CCSER2: variants seen among roughly 807,000 people sequenced by gnomAD.
The protein encoded by CCSER2 is coiled-coil serine rich protein 2.
A neutral mutation model predicts 92.3 loss-of-function variants in CCSER2; 46 were observed. The observed-to-expected ratio is 0.50, with a 90% CI of 0.39 to 0.64. The LOEUF (loss-of-function observed/expected upper bound fraction) is 0.64. CCSER2 is among the 30% of genes least tolerant of loss of function. The pLI, the probability that CCSER2 is intolerant of heterozygous loss-of-function variation, is 0.00. For missense variants in CCSER2, 1,244 were observed against 1,238.9 expected (o/e 1.00, Z -0.06); for synonymous variants, 433 against 431.4 (o/e 1.00, Z -0.04).
At chr10:84,472,559 G>A (rs1846878936) in intron 8 of CCSER2, among the ~76,000 whole-genome samples, 1 of 151,980 alleles carries the variant, frequency 6.6e-6, no homozygotes, top group Admixed American at 6.6e-5. Flanking sequence ...GTGACAGAGT[G>A]AGACTCTGTC....
intron 6 of CCSER2, among the ~76,000 whole-genome samples, chr10:84,443,803 T>A (rs1021794749): frequency 1.3e-5 from 2 of 152,214 alleles, no homozygotes; most frequent in African/African-American, 4.8e-5. Context: ...CATGGAATAC[T>A]GTGCAGCCAC....
At chr10:84,491,752 C>T (rs1589805582) in intron 9 of CCSER2, among the ~76,000 whole-genome samples, 1 of 152,058 alleles carries the variant, frequency 6.6e-6, no homozygotes, top group Non-Finnish European at 1.5e-5. Context: ...CTGTCCTGTC[C>T]CCACTGTCCA....
chr10:84,486,341 C>G (rs1309616154), intron 9 of CCSER2, among the ~76,000 whole-genome samples: 3 of 152,330 alleles, frequency 2.0e-5, no homozygotes, highest in East Asian at 1.9e-4. Context: ...AATGGTTGAA[C>G]TAGTTTACAC....
At chr10:84,333,632 A>G (rs550048538) in intron 1 of CCSER2, among the ~76,000 whole-genome samples, 2 of 152,368 alleles carry the variant, frequency 1.3e-5, no homozygotes, top group South Asian at 4.1e-4. Context: ...TCATGTGACA[A>G]TGTGGCTATA....
rs202201296 is a variant in CCSER2 at position 84,354,213 on chromosome 10, C to CA, written c.-39-16794dup. Among the ~76,000 whole-genome samples the CA allele has an allele frequency of 2.3e-4, 34 of 149,542 alleles. No individual in the cohort carries two copies. The East Asian group carries it at 5.5e-3, about 24-fold the overall frequency. ...GGGAGACTCTATCTCAAACAAAAAA[C>CA]AAAAAAACAAGATTACGTCTATGTT... On this transcript the variant is annotated intron_variant, in intron 1 of 9. Coordinates refer to ENST00000372088, the MANE Select transcript of CCSER2 (RefSeq NM_001284240.2).
chr10:84,470,054 C>T (rs1377788684), intron 7 of CCSER2, among the ~76,000 whole-genome samples: 3 of 136,782 alleles, frequency 2.2e-5, no homozygotes, highest in African/African-American at 8.2e-5. Context: ...TGGCCTATGT[C>T]CCAGTTTTCT....
intron 6 of CCSER2, among the ~76,000 whole-genome samples, chr10:84,446,814 C>T (rs902784287): frequency 3.3e-5 from 5 of 151,922 alleles, no homozygotes; most frequent in African/African-American, 4.8e-5. Context: ...TTTGTATTTC[C>T]GTGAATATAA....
At chr10:84,443,994 G>T (rs916402218) in intron 6 of CCSER2, among the ~76,000 whole-genome samples, 11 of 152,102 alleles carry the variant, frequency 7.2e-5, no homozygotes, top group Non-Finnish European at 2.9e-5. Flanking sequence ...GCCTGTCGGG[G>T]GGTAGGGGGC....
At chr10:84,376,728 G>A (rs895459270) in intron 3 of CCSER2, among the ~76,000 whole-genome samples, 1 of 152,056 alleles carries the variant, frequency 6.6e-6, no homozygotes, top group African/African-American at 2.4e-5. Context: ...AGATTCCTGG[G>A]TTATAGGCTA....
chr10:84,361,151 C>T (rs1845481371), intron 1 of CCSER2, among the ~76,000 whole-genome samples: 1 of 152,218 alleles, frequency 6.6e-6, no homozygotes, highest in Non-Finnish European at 1.5e-5. Context: ...ATATGTTTCT[C>T]TTGAATGCTA....
Position 84,513,846 on chromosome 10 carries a change from C to T in CCSER2, c.2723C>T (p.Ser908Phe), listed in dbSNP as rs1198819877. 6.5e-7 allele frequency: 1 copy of T among 1,536,256 alleles called. No homozygotes were observed. Among genetic ancestry groups the T allele is most frequent in the Non-Finnish European group, 8.7e-7 (1 of 1,146,934 alleles). Residue 908 changes from serine (S) to phenylalanine (F), a missense_variant, in exon 10 of 10, where the codon TCT becomes TTT. Physicochemically the swap from Ser to Phe is radical, Grantham distance 155. Transcript: ENST00000372088. ...DQAKRVGRNQ[S>F]PPVGYMSQPK... ...GCTAAGAGAGTTGGAAGAAATCAGT[C>T]TCCGCCAGTGGGTTATATGTCTCAG...
At chr10:84,380,816 T>A (rs1589494889) in intron 3 of CCSER2, among the ~76,000 whole-genome samples, 1 of 151,928 alleles carries the variant, frequency 6.6e-6, no homozygotes, top group South Asian at 2.1e-4. Context: ...TGTCTCAGCC[T>A]CCCAAGTAGC....
chr10:84,425,551 G>A (rs1039468353), intron 4 of CCSER2, among the ~76,000 whole-genome samples, 180 bp from the exon 5 acceptor site: 2 of 152,138 alleles, frequency 1.3e-5, no homozygotes, highest in African/African-American at 4.8e-5. Context: ...ATTAAGTTCA[G>A]TTTTCACCAG....
chr10:84,438,478 T>C (rs1183157345), intron 5 of CCSER2, 34 bp from the exon 6 acceptor site: 3 of 1,166,932 alleles, frequency 2.6e-6, no homozygotes, highest in Non-Finnish European at 3.7e-6. Flanking sequence ...GTATTGTATA[T>C]CTTTTCCCTC....
chr10:84,358,105 T>C (rs953210359), intron 1 of CCSER2, among the ~76,000 whole-genome samples: 1 of 152,206 alleles, frequency 6.6e-6, no homozygotes, highest in Non-Finnish European at 1.5e-5. Flanking sequence ...AAGACATAGA[T>C]AACTATGAAA....
At chr10:84,425,596 G>A (rs1199402854) in intron 4 of CCSER2, 135 bp from the exon 5 acceptor site, 2 of 527,572 alleles carry the variant, frequency 3.8e-6, no homozygotes, top group Admixed American at 8.3e-5. Context: ...TCTTGATATT[G>A]TGATTAACAT....
At chr10:84,390,723 T>C (rs1564622859) in intron 3 of CCSER2, among the ~76,000 whole-genome samples, 1 of 152,204 alleles carries the variant, frequency 6.6e-6, no homozygotes, top group African/African-American at 2.4e-5. Context: ...ACTTCACTTC[T>C]GCCACCGTAT....
At chr10:84,385,004 A>AACACACACACACACACACAC (rs56977232) in intron 3 of CCSER2, among the ~76,000 whole-genome samples, 129 of 145,884 alleles carry the variant, frequency 8.8e-4, no homozygotes, top group African/African-American at 3.1e-3. Context: ...ATTTACAATA[A>AACACACACACACACACACAC]ACACACACAC....
chr10:84,341,822 T>C (rs7089235), intron 1 of CCSER2, among the ~76,000 whole-genome samples: 50,489 of 152,006 alleles, frequency 0.33, 9,916 homozygotes, highest in African/African-American at 0.55. Flanking sequence ...TGTTTGCCCA[T>C]TTATTAAACA....
Sources: gnomAD v4.1 joint callset for allele counts (sites outside exome capture counted in the v4.1 genomes callset) on GRCh38, gnomAD v4.1.1 for gene constraint, MANE v1.5 for transcripts, NCBI Gene and HGNC (gene_info 2026-07-23, HGNC 2026-07-21) for gene names.